Variants in B3GALT1 observed in about 807,000 individuals in gnomAD.
The protein encoded by B3GALT1 is beta-1,3-galactosyltransferase 1.
B3GALT1 carries 10 observed loss-of-function variants against 23.2 expected under a neutral mutation model. The observed-to-expected ratio is 0.43, with a 90% CI of 0.27 to 0.73. The LOEUF is 0.73. Ranked by LOEUF, B3GALT1 falls within the 30% of genes least tolerant of loss-of-function variation. The pLI is 0.21. For missense variants in B3GALT1, 299 were observed against 405.4 expected (o/e 0.74, Z 2.25); for synonymous variants, 156 against 141.5 (o/e 1.10, Z -0.73).
intron 1 of B3GALT1, among the ~76,000 whole-genome samples, chr2:167,392,792 A>AT (rs1698034860): frequency 6.6e-6 from 1 of 152,126 alleles, no homozygotes; most frequent in Admixed American, 6.6e-5. Context: ...TATTTGACTT[A>AT]TATTATAATT....
intron 1 of B3GALT1, among the ~76,000 whole-genome samples, chr2:167,465,830 C>T (rs559600763): frequency 6.6e-6 from 1 of 152,144 alleles, no homozygotes; most frequent in East Asian, 1.9e-4. Flanking sequence ...CTTCATACAC[C>T]TGCAGGGAAA....
At chr2:167,311,168 G>A (rs1271836305) in intron 1 of B3GALT1, among the ~76,000 whole-genome samples, 2 of 152,044 alleles carry the variant, frequency 1.3e-5, no homozygotes, top group Admixed American at 1.3e-4. Flanking sequence ...TGACATGCAA[G>A]TATTGAGAGG....
chr2:167,560,876 T>A (rs1389239028), intron 2 of B3GALT1, among the ~76,000 whole-genome samples: 2 of 152,108 alleles, frequency 1.3e-5, no homozygotes, highest in African/African-American at 4.8e-5. Flanking sequence ...AACACCCCAC[T>A]GTCAACATTA....
intron 1 of B3GALT1, among the ~76,000 whole-genome samples, chr2:167,483,981 G>A (rs191260014): frequency 1.2e-4 from 19 of 152,226 alleles, no homozygotes; most frequent in Admixed American, 9.2e-4. Flanking sequence ...AGCTATCTCC[G>A]TTAAGAACTG....
chr2:167,300,435 T>C (rs957313951), intron 1 of B3GALT1, among the ~76,000 whole-genome samples: 9 of 152,222 alleles, frequency 5.9e-5, no homozygotes, highest in African/African-American at 1.9e-4. Flanking sequence ...GAGATTGTTG[T>C]AAAATGTACA....
chr2:167,535,781 A>C (rs1683407436), intron 2 of B3GALT1, among the ~76,000 whole-genome samples: 1 of 152,178 alleles, frequency 6.6e-6, no homozygotes, highest in Non-Finnish European at 1.5e-5. Context: ...CTCCTGTTAC[A>C]TAGAATACAA....
chr2:167,804,847 T>G (rs1368059898), intron 3 of B3GALT1, among the ~76,000 whole-genome samples: 3 of 152,190 alleles, frequency 2.0e-5, no homozygotes, highest in African/African-American at 7.2e-5. Context: ...TACCCAGTAA[T>G]GGGATTGCTG....
Position 167,363,942 on chromosome 2 carries a change from T to C in B3GALT1, c.-511+70608T>C, listed in dbSNP as rs541809523. ...GGGAGGCTGAGGGAGGCGGATCACT[T>C]GAGGTCAGGAGTTCAAGACCAGCCT... On this transcript the variant is annotated intron_variant, in intron 1 of 4. Transcript: ENST00000392690. 1.2e-4 allele frequency among the ~76,000 whole-genome samples: 18 copies of C among 152,018 alleles called. No individual in the cohort carries two copies. In the East Asian group the frequency reaches 2.9e-3, roughly 25 times the overall value.
At chr2:167,781,087 C>T (rs1211219486) in intron 3 of B3GALT1, among the ~76,000 whole-genome samples, 1 of 152,132 alleles carries the variant, frequency 6.6e-6, no homozygotes, top group African/African-American at 2.4e-5. Flanking sequence ...AGGAAGAACA[C>T]CCCTCAGAAT....
At chr2:167,341,579 T>A (rs1697147078) in intron 1 of B3GALT1, among the ~76,000 whole-genome samples, 2 of 151,998 alleles carry the variant, frequency 1.3e-5, no homozygotes, top group South Asian at 4.2e-4. Context: ...GGAGAATCAC[T>A]TGAACCCAGG....
chr2:167,446,802 T>A lies in B3GALT1; in HGVS notation c.-510-43375T>A, dbSNP rs1699003291. Among the ~76,000 whole-genome samples the A allele has an allele frequency of 2.0e-5, 3 of 152,194 alleles. No homozygotes were observed. The South Asian group carries it at 6.2e-4, about 32-fold the overall frequency. On this transcript the variant is annotated intron_variant, in intron 1 of 4. Transcript: ENST00000392690. ...CAGTTTTTAGCCTCTTTGCGTTGGG[T>A]TCGAACATCCTCCTTTAGCTCAGAG...
At chr2:167,783,628 A>G (rs1033877935) in intron 3 of B3GALT1, among the ~76,000 whole-genome samples, 5 of 152,178 alleles carry the variant, frequency 3.3e-5, no homozygotes, top group African/African-American at 1.2e-4. Context: ...GAAGGGTGAG[A>G]TGACTATTAA....
chr2:167,563,170 C>T (rs1684049143), intron 2 of B3GALT1, among the ~76,000 whole-genome samples: 1 of 151,998 alleles, frequency 6.6e-6, no homozygotes, highest in South Asian at 2.1e-4. Context: ...CTGGGCACAC[C>T]TCCCAGACAG....
chr2:167,576,760 C>T (rs940421526), intron 2 of B3GALT1, among the ~76,000 whole-genome samples: 5 of 151,542 alleles, frequency 3.3e-5, no homozygotes, highest in African/African-American at 1.2e-4. Context: ...TCTCCATTTG[C>T]ATAAATCCTA....
intron 3 of B3GALT1, among the ~76,000 whole-genome samples, chr2:167,783,617 A>T (rs1688285679): frequency 6.6e-6 from 1 of 152,208 alleles, no homozygotes. Flanking sequence ...CAAATAGGAA[A>T]GAAGGGTGAG....
At chr2:167,518,502 A>G (rs994503879) in intron 2 of B3GALT1, among the ~76,000 whole-genome samples, 1 of 152,198 alleles carries the variant, frequency 6.6e-6, no homozygotes, top group African/African-American at 2.4e-5. Context: ...AAAACAAGTA[A>G]TACTGAATAC....
At chr2:167,657,032 T>A (rs569945098) in intron 3 of B3GALT1, among the ~76,000 whole-genome samples, 1 of 151,924 alleles carries the variant, frequency 6.6e-6, no homozygotes, top group East Asian at 1.9e-4. Flanking sequence ...TAAAGGGCAA[T>A]GATAGGGGAA....
At chr2:167,461,098 T>C (rs956530846) in intron 1 of B3GALT1, among the ~76,000 whole-genome samples, 5 of 152,288 alleles carry the variant, frequency 3.3e-5, no homozygotes, top group Admixed American at 3.3e-4. Flanking sequence ...ACTCATTTGA[T>C]TGTCTGCACG....
At chr2:167,448,530 T>G (rs1490614645) in intron 1 of B3GALT1, among the ~76,000 whole-genome samples, 6 of 152,210 alleles carry the variant, frequency 3.9e-5, no homozygotes, top group Non-Finnish European at 5.9e-5. Flanking sequence ...GTCAGATGTA[T>G]AGATTGTGAA....
Sources: gnomAD v4.1 joint callset for allele counts (sites outside exome capture counted in the v4.1 genomes callset) on GRCh38, gnomAD v4.1.1 for gene constraint, MANE v1.5 for transcripts, NCBI Gene and HGNC (gene_info 2026-07-23, HGNC 2026-07-21) for gene names.